Variants in KIFAP3 observed in about 807,000 individuals in gnomAD.
KIFAP3 encodes kinesin associated protein 3.
In KIFAP3, 68 loss-of-function variants were observed where a neutral mutation model predicts 106.5. The ratio of observed to expected loss-of-function variants is 0.64; its 90% CI spans 0.53 to 0.78. KIFAP3 has a LOEUF of 0.78. KIFAP3 is among the 30% of genes least tolerant of loss of function. The pLI is 0.00. For missense variants in KIFAP3, 780 were observed against 941.8 expected, an observed-to-expected ratio of 0.83 and a Z score of 2.25; for synonymous variants, 320 against 311.5, an observed-to-expected ratio of 1.03 and a Z score of -0.29.
chr1:169,998,313 T>C (rs1667473155), intron 10 of KIFAP3, among the ~76,000 whole-genome samples: 1 of 151,616 alleles, frequency 6.6e-6, no homozygotes, highest in Non-Finnish European at 1.5e-5. Flanking sequence ...ATGACAGAGG[T>C]GTTTTCCCCA....
chr1:169,940,310 A>G (rs1270264498), intron 19 of KIFAP3, among the ~76,000 whole-genome samples: 2 of 152,206 alleles, frequency 1.3e-5, no homozygotes, highest in African/African-American at 4.8e-5. Context: ...AATAAATAGC[A>G]ATTCATAAAC....
intron 11 of KIFAP3, among the ~76,000 whole-genome samples, chr1:169,985,948 A>G (rs1666806704): frequency 6.6e-6 from 1 of 151,950 alleles, no homozygotes; most frequent in African/African-American, 2.4e-5. Flanking sequence ...CTAGTCTTCT[A>G]TTATTGTCAA....
chr1:170,080,388 A>AT lies in KIFAP3; in HGVS notation n.174+4646dup, dbSNP rs558895802. ...ATATAACTCCAATCAAATACTAGCA[A>AT]TTTTTTTTTACAAATTGACAGGTTG... is the stretch of plus-strand genomic sequence containing the variant. On this transcript the variant is annotated intron_variant and non_coding_transcript_variant, in intron 1 of 5. Transcript: ENST00000490550. 1.1e-4 allele frequency among the ~76,000 whole-genome samples: 16 copies of AT among 151,564 alleles called. No homozygotes were observed. The East Asian group carries it at 1.2e-3, about 11-fold the overall frequency.
At chr1:169,992,106 A>T (rs898088647) in intron 11 of KIFAP3, 49 bp downstream of exon 11, 1 of 890,778 alleles carries the variant, frequency 1.1e-6, no homozygotes, top group Non-Finnish European at 1.6e-6. Context: ...AAGAGTAAAA[A>T]ATATATATAT....
At chr1:170,051,522 C>T (rs1670574792) in intron 2 of KIFAP3, among the ~76,000 whole-genome samples, 1 of 152,206 alleles carries the variant, frequency 6.6e-6, no homozygotes, top group South Asian at 2.1e-4. Flanking sequence ...ACTCTCTACT[C>T]CAAATAAACA....
At chr1:170,069,075 A>AC (rs1671580976) in intron 1 of KIFAP3, among the ~76,000 whole-genome samples, 1 of 151,906 alleles carries the variant, frequency 6.6e-6, no homozygotes, top group Non-Finnish European at 1.5e-5. Flanking sequence ...TGATTAAAAA[A>AC]TTACAAGAGA....
intron 2 of KIFAP3, among the ~76,000 whole-genome samples, chr1:170,049,386 G>C (rs1031972691): frequency 6.6e-6 from 1 of 152,192 alleles, no homozygotes; most frequent in East Asian, 1.9e-4. Context: ...GTGGCTGTGG[G>C]CACAGCTTCA....
At chr1:169,939,467 T>C (rs1663990434) in intron 19 of KIFAP3, among the ~76,000 whole-genome samples, 1 of 152,202 alleles carries the variant, frequency 6.6e-6, no homozygotes, top group Non-Finnish European at 1.5e-5. Flanking sequence ...GATAATTTTA[T>C]TAAACATTCA....
chr1:169,937,443 A>G (rs1663867183), intron 19 of KIFAP3, among the ~76,000 whole-genome samples: 1 of 151,800 alleles, frequency 6.6e-6, no homozygotes, highest in Non-Finnish European at 1.5e-5. Context: ...TATATATGCT[A>G]TTTTTATCAT....
At chr1:170,013,302 G>A (rs1668338872) in intron 10 of KIFAP3, among the ~76,000 whole-genome samples, 1 of 151,904 alleles carries the variant, frequency 6.6e-6, no homozygotes, top group African/African-American at 2.4e-5. Context: ...TAAGCCTGGA[G>A]AACTTATCAA....
At chr1:169,977,066 C>T (rs1314911831) in intron 16 of KIFAP3, among the ~76,000 whole-genome samples, 2 of 152,094 alleles carry the variant, frequency 1.3e-5, no homozygotes, top group African/African-American at 2.4e-5. Context: ...GTATATTATA[C>T]TTGTCTATCT....
Position 169,966,422 on chromosome 1 carries a change from T to C in KIFAP3, c.1984-5187A>G, listed in dbSNP as rs1296181922. ...TAAGAGGTGGCCTTGAAATTAAATATGTGTGTATGGTTCTTTGTTATAGAT... is the reference window on the plus strand; with the variant it reads ...TAAGAGGTGGCCTTGAAATTAAATACGTGTGTATGGTTCTTTGTTATAGAT... On this transcript the variant is annotated intron_variant, in intron 17 of 19. Coordinates refer to ENST00000361580, the MANE Select transcript of KIFAP3 (RefSeq NM_014970.4). Among the ~76,000 whole-genome samples, 4 of 146,864 alleles carry C rather than the reference T, an allele frequency of 2.7e-5. No individual in the cohort carries two copies. The East Asian group carries it at 8.0e-4, about 29-fold the overall frequency.
chr1:170,026,878 AAC>A (rs1669135413), intron 8 of KIFAP3, among the ~76,000 whole-genome samples: 1 of 152,228 alleles, frequency 6.6e-6, no homozygotes, highest in Non-Finnish European at 1.5e-5. Context: ...TGTCCAGACT[AAC>A]AAATTATAAG....
chr1:170,024,686 T>C (rs1669021043), intron 8 of KIFAP3, 90 bp from the exon 9 acceptor site: 1 of 733,582 alleles, frequency 1.4e-6, no homozygotes, highest in South Asian at 3.5e-5. Context: ...GCAACAGAGA[T>C]AGCCCTAAAA....
At chr1:169,984,751 A>G in intron 11 of KIFAP3, 61 bp from the exon 12 acceptor site, 1 of 823,354 alleles carries the variant, frequency 1.2e-6, no homozygotes. Flanking sequence ...CAAACACAGA[A>G]GCAATATTTT....
intron 16 of KIFAP3, among the ~76,000 whole-genome samples, chr1:169,974,917 T>C (rs1212234611): frequency 6.6e-6 from 1 of 152,066 alleles, no homozygotes; most frequent in Non-Finnish European, 1.5e-5. Flanking sequence ...CCCCCAATGA[T>C]GCCAAAATCC....
intron 19 of KIFAP3, among the ~76,000 whole-genome samples, chr1:169,945,191 C>A (rs1245316348): frequency 6.6e-6 from 1 of 152,156 alleles, no homozygotes; most frequent in African/African-American, 2.4e-5. Flanking sequence ...GCAGGCACAC[C>A]CAGCCAGGTC....
chr1:169,990,415 G>A (rs1667035817), intron 11 of KIFAP3, among the ~76,000 whole-genome samples: 1 of 151,350 alleles, frequency 6.6e-6, no homozygotes, highest in Admixed American at 6.6e-5. Context: ...ACTCAGGAAT[G>A]CAGATTATGC....
intron 4 of KIFAP3, among the ~76,000 whole-genome samples, chr1:170,039,001 T>C (rs1347383363): frequency 6.6e-6 from 1 of 152,168 alleles, no homozygotes; most frequent in Non-Finnish European, 1.5e-5. Context: ...GAAAATCGCT[T>C]GAACCCGGGA....
Sources: gnomAD v4.1 joint callset for allele counts (sites outside exome capture counted in the v4.1 genomes callset) on GRCh38, gnomAD v4.1.1 for gene constraint, MANE v1.5 for transcripts, NCBI Gene and HGNC (gene_info 2026-07-23, HGNC 2026-07-21) for gene names.